The following PRG4 variants were observed in gnomAD, a reference collection of about 807,000 sequenced individuals.
PRG4 encodes the protein articular superficial zone protein.
In PRG4, 61 loss-of-function variants were observed where a neutral mutation model predicts 91.2. That is an observed-to-expected ratio of 0.67 (90% CI 0.54 to 0.83). The LOEUF is 0.83. Among genes scored for constraint, PRG4 ranks in the 40% least tolerant of loss-of-function variants. The probability of loss-of-function intolerance (pLI) is 0.00; values close to 1 mark genes in which losing one functional copy is unlikely to be tolerated. For missense variants in PRG4, 1,564 were observed against 1,714.2 expected, an observed-to-expected ratio of 0.91 and a Z score of 1.55; for synonymous variants, 576 against 614.2, an observed-to-expected ratio of 0.94 and a Z score of 0.92.
intron 8 of PRG4, among the ~76,000 whole-genome samples, chr1:186,310,662 TTTTTGTA>T (rs1254670569): frequency 2.7e-5 from 4 of 149,446 alleles, no homozygotes; most frequent in Non-Finnish European, 4.4e-5. Context: ...TTTGTATTTT[TTTTTGTA>T]TTTTTTTTTT....
intron 6 of PRG4, 107 bp downstream of exon 6, chr1:186,305,029 G>A (rs2102017770): frequency 8.4e-7 from 1 of 1,186,400 alleles, no homozygotes; most frequent in Admixed American, 2.1e-5. Context: ...ATATGGGGGG[G>A]AATATAACTT....
Position 186,306,430 on chromosome 1 carries a change from C to A in PRG4, c.711C>A (p.Asp237Glu). 6.2e-7 allele frequency: 1 copy of A among 1,613,592 alleles called. No homozygotes were observed. The highest frequency in any genetic ancestry group is 8.5e-7 in the Non-Finnish European group (1 of 1,179,648). The change falls in exon 7 of 13, where the codon GAC becomes GAA. Residue 237 changes from aspartate to glutamate, a missense_variant. Physicochemically the swap from Asp to Glu is conservative, Grantham distance 45 (BLOSUM62 2). Around this residue, in one of 3 missense-constraint regions of PRG4, gnomAD observed 437 missense variants for 459.0 expected, o/e 0.95. Transcript: ENST00000445192. ...GTGACTTCAAGGTCACAACTCCTGA[C>A]ACGTCTACCACCCAACACAATAAAG... ...DNGDFKVTTP[D>E]TSTTQHNKVS...
intron 4 of PRG4, among the ~76,000 whole-genome samples, chr1:186,303,518 AG>A (rs1656353976): frequency 1.3e-5 from 2 of 151,888 alleles, no homozygotes; most frequent in Admixed American, 1.3e-4. Flanking sequence ...GGAAAAGGGA[AG>A]GGGACTAAAA....
In PRG4 at chr1:186,306,708, A is replaced by G. The variant is rs770006043; in HGVS notation, c.989A>G (p.Lys330Arg). 1 of 1,613,714 alleles carries G rather than the reference A, an allele frequency of 6.2e-7. No individual in the cohort carries two copies. Among genetic ancestry groups the G allele is most frequent in the South Asian group, 1.1e-5 (1 of 91,088 alleles). ...DLAPTSKVLA[K>R]PTPKAETTTK... is the part of the protein sequence containing the mutation. ...GCACCCACATCTAAAGTGCTGGCTA[A>G]ACCTACACCCAAAGCTGAAACTACA... The change falls in exon 7 of 13, where the codon AAA becomes AGA. Residue 330 changes from lysine (K) to arginine (R), a missense_variant. By Grantham distance (26) the Lys-to-Arg change is conservative. This residue lies in a region of PRG4 where 437 missense variants were observed against 459.0 expected (regional missense o/e 0.95). Coordinates refer to ENST00000445192, the MANE Select transcript of PRG4 (RefSeq NM_005807.6).
In PRG4 at chr1:186,313,720, G is replaced by C. The variant is rs762777467; in HGVS notation, c.4157G>C (p.Arg1386Thr). 2 of 1,609,888 alleles carry C rather than the reference G, an allele frequency of 1.2e-6. No individual in the cohort carries two copies. The highest frequency in any genetic ancestry group is 2.2e-5 in the East Asian group (1 of 44,748). The part of the protein sequence containing the change: ...YNIDVPSRTA[R>T]AITTRSGQTL... Reference sequence around the variant, plus strand: ...ATTGATGTGCCTAGTAGAACAGCAAGAGCAATTACTACTCGTTCTGGGCAG... The same window carrying C: ...ATTGATGTGCCTAGTAGAACAGCAACAGCAATTACTACTCGTTCTGGGCAG... The change falls in exon 13 of 13, where the codon AGA becomes ACA. Residue 1386 changes from arginine to threonine, a missense_variant. By Grantham distance (71) the Arg-to-Thr change is moderately conservative. This residue lies in a region of PRG4 where 1,079 missense variants were observed against 1,162.2 expected (regional missense o/e 0.93). Coordinates refer to ENST00000445192, the MANE Select transcript of PRG4 (RefSeq NM_005807.6).
intron 8 of PRG4, among the ~76,000 whole-genome samples, chr1:186,310,147 G>GGT (rs1553225132): frequency 2.0e-5 from 2 of 98,194 alleles, no homozygotes; most frequent in Non-Finnish European, 4.1e-5. Flanking sequence ...GGGGGGGGGG[G>GGT]TAGTTAAAAT....
chr1:186,309,717 T>C, intron 7 of PRG4, 76 bp from the exon 8 acceptor site: 1 of 1,103,316 alleles, frequency 9.1e-7, no homozygotes, highest in Admixed American at 1.7e-5. Flanking sequence ...TAGAACCATG[T>C]GGAAAGACTT....
intron 12 of PRG4, chr1:186,313,140 G>A: frequency 1.9e-6 from 1 of 513,328 alleles, no homozygotes; most frequent in Admixed American, 3.2e-5. Flanking sequence ...GAGTAAACTT[G>A]CTACTGACAA....
At chr1:186,310,361 A>G (rs910740113) in intron 8 of PRG4, among the ~76,000 whole-genome samples, 1 of 152,188 alleles carries the variant, frequency 6.6e-6, no homozygotes, top group Admixed American at 6.5e-5. Flanking sequence ...TTTAGATTAA[A>G]TCTGAAAGCA....
rs747475155 is a variant in PRG4, at chr1:186,304,779, C to T, written c.470-15C>T. 1.6e-5 allele frequency: 25 copies of T among 1,608,862 alleles called. No homozygotes were observed. The highest frequency in any genetic ancestry group is 2.1e-5 in the Non-Finnish European group (25 of 1,175,614). On this transcript the variant is annotated splice_polypyrimidine_tract_variant and intron_variant, in intron 5 of 12. Transcript: ENST00000445192. Reference sequence around the variant, plus strand: ...ATCACAGTTGGTGTGATCAAACTTTCTATTTGATTTATAGAACATTCTGTT... The same window carrying T: ...ATCACAGTTGGTGTGATCAAACTTTTTATTTGATTTATAGAACATTCTGTT...
In PRG4 at chr1:186,307,635, A is replaced by T; in HGVS notation, c.1916A>T (p.Lys639Met). 1.3e-6 allele frequency: 2 copies of T among 1,593,692 alleles called. No homozygotes were observed. The highest frequency in any genetic ancestry group is 8.5e-7 in the Non-Finnish European group (1 of 1,173,458). ...PEKLAPTTPEKPAPTTPEELA... is the reference protein window; with the variant it reads ...PEKLAPTTPEMPAPTTPEELA... Reference sequence around the variant, plus strand: ...AAGCTCGCACCCACCACCCCTGAGAAGCCCGCACCCACCACCCCTGAGGAG... The same window carrying T: ...AAGCTCGCACCCACCACCCCTGAGATGCCCGCACCCACCACCCCTGAGGAG... The change falls in exon 7 of 13, where the codon AAG becomes ATG. Residue 639 changes from lysine (K) to methionine (M), a missense_variant. Transcript: ENST00000445192.
chr1:186,297,157 T>G (rs1404983793), intron 2 of PRG4, among the ~76,000 whole-genome samples: 1 of 152,214 alleles, frequency 6.6e-6, no homozygotes, highest in Non-Finnish European at 1.5e-5. Context: ...AGTTTTGAGC[T>G]TGTATAAAGA....
Position 186,296,950 on chromosome 1 carries a change from A to G in PRG4, c.75A>G (p.Gln25=). 1 of 1,611,714 alleles carries G rather than the reference A, an allele frequency of 6.2e-7. No individual in the cohort carries two copies. The highest frequency in any genetic ancestry group is 1.1e-5 in the South Asian group (1 of 91,046). ...SVFVIQQVSS[Q]DLSSCAGRCG... ...TCGTGATTCAGCAAGTTTCATCTCAAGGTAGCTTAACCATCGAACATACTT... is the reference window on the plus strand; with the variant it reads ...TCGTGATTCAGCAAGTTTCATCTCAGGGTAGCTTAACCATCGAACATACTT... The change falls in exon 2 of 13, where the codon CAA becomes CAG. Residue 25 remains glutamine (Q), a splice_region_variant and synonymous_variant. Coordinates refer to ENST00000445192, the MANE Select transcript of PRG4 (RefSeq NM_005807.6).
chr1:186,314,033 A>C lies in PRG4; in HGVS notation c.*255A>C. ...CCCATTGCATGGCTCACACCTGTAA[A>C]AGAAAAAAGAATCAAATTGAATATA... On this transcript the variant is annotated 3_prime_UTR_variant, in exon 13 of 13. Coordinates refer to ENST00000445192, the MANE Select transcript of PRG4 (RefSeq NM_005807.6). The C allele has an allele frequency of 6.2e-7, 1 of 1,608,240 alleles. No homozygotes were observed. The highest frequency in any genetic ancestry group is 1.3e-5 in the African/African-American group (1 of 74,944).
rs1243834694 is a variant in PRG4, at chr1:186,307,570, A to G, written c.1851A>G (p.Ala617=). Residue 617 remains alanine, a synonymous_variant, in exon 7 of 13, where the codon GCA becomes GCG. Coordinates refer to ENST00000445192, the MANE Select transcript of PRG4 (RefSeq NM_005807.6). ...CCCCAACTACCCCCAAGGAGACTGC[A>G]CCCACCACCCCCAAGAAGCTCACGC... The part of the protein sequence containing the change: ...EPAPTTPKET[A]PTTPKKLTPT... 2 of 1,550,912 alleles carry G rather than the reference A, an allele frequency of 1.3e-6. No individual in the cohort carries two copies. The highest frequency in any genetic ancestry group is 1.7e-6 in the Non-Finnish European group (2 of 1,153,086).
Position 186,308,231 on chromosome 1 carries a change from A to G in PRG4, c.2512A>G (p.Thr838Ala). The change falls in exon 7 of 13, where the codon ACC (threonine) becomes GCC (alanine). Residue 838 changes from threonine (T) to alanine (A), a missense_variant. This residue lies in a region of PRG4 where 1,079 missense variants were observed against 1,162.2 expected (regional missense o/e 0.93). Transcript: ENST00000445192. ...TACCCCCAAGGAGCCTGCACCCACT[A>G]CCCCCAAGAAGCCTGCTCCAACTAC... Reference protein sequence around the residue: ...PTTPKEPAPTTPKKPAPTTPE... With the variant: ...PTTPKEPAPTAPKKPAPTTPE... 2 of 1,613,624 alleles carry G rather than the reference A, an allele frequency of 1.2e-6. No homozygotes were observed. The highest frequency in any genetic ancestry group is 1.7e-6 in the Non-Finnish European group (2 of 1,179,866).
At position 186,307,842 on chromosome 1, in the gene PRG4, C is replaced by T. The variant is rs763372933; in HGVS notation, c.2123C>T (p.Thr708Ile). 2 of 1,610,748 alleles carry T rather than the reference C, an allele frequency of 1.2e-6. No individual in the cohort carries two copies. Among genetic ancestry groups the T allele is most frequent in the South Asian group, 2.2e-5 (2 of 90,894 alleles). Residue 708 changes from threonine (T) to isoleucine (I), a missense_variant, in exon 7 of 13, where the codon ACC becomes ATC. Thr to Ile is a moderately conservative substitution (Grantham distance 89). Transcript: ENST00000445192. ...ACCCCTAAGGAGACTGCTCCAACTA[C>T]CCCTAAAGGGACTGCTCCAACTACC... ...PTTPKETAPT[T>I]PKGTAPTTLK...
At position 186,308,755 on chromosome 1, in the gene PRG4, TA is replaced by T. The variant is rs779985912; in HGVS notation, c.3038del (p.Asn1013IlefsTer31). 6.2e-7 allele frequency: 1 copy of T among 1,613,808 alleles called. No individual in the cohort carries two copies. Among genetic ancestry groups the T allele is most frequent in the South Asian group, 1.1e-5 (1 of 91,066 alleles). Reference protein sequence around the residue: ...ETAKPKDRATNSKATTPKPQK... With the variant: ...ETAKPKDRATXSKATTPKPQK... ...CAGCTAAACCAAAAGACAGAGCTAC[TA>T]ATTCTAAAGCGACAACTCCTAAACC... On this transcript the variant is annotated frameshift_variant, in exon 7 of 13. Transcript: ENST00000445192. LOFTEE classifies it high-confidence loss of function.
intron 2 of PRG4, among the ~76,000 whole-genome samples, chr1:186,298,146 C>T (rs1655973425): frequency 6.6e-6 from 1 of 152,086 alleles, no homozygotes; most frequent in African/African-American, 2.4e-5. Flanking sequence ...TCTGGGAGGC[C>T]TAGGGAGACA....
Sources: gnomAD v4.1 joint callset for allele counts (sites outside exome capture counted in the v4.1 genomes callset) on GRCh38, gnomAD v4.1.1 for gene constraint, gnomAD v4.1.1 regional missense constraint, MANE v1.5 for transcripts, NCBI Gene and HGNC (gene_info 2026-07-23, HGNC 2026-07-21) for gene names.